The following NUCB2 variants were observed in gnomAD, a reference collection of about 807,000 sequenced individuals.
The protein encoded by NUCB2 is nucleobindin 2.
NUCB2 carries 48 observed loss-of-function variants against 57.9 expected under a neutral mutation model. The observed-to-expected ratio is 0.83, with a 90% confidence interval of 0.66 to 1.05. The LOEUF (loss-of-function observed/expected upper bound fraction) is 1.05. NUCB2 is among the 50% of genes least tolerant of loss of function. The probability of loss-of-function intolerance (pLI) is 0.00; values close to 1 mark genes in which losing one functional copy is unlikely to be tolerated. For missense variants in NUCB2, 442 were observed against 476.2 expected (o/e 0.93, Z 0.67); for synonymous variants, 139 against 152.1 (o/e 0.91, Z 0.64).
At chr11:17,300,626 A>G (rs1427403418) in intron 4 of NUCB2, among the ~76,000 whole-genome samples, 1 of 152,230 alleles carries the variant, frequency 6.6e-6, no homozygotes, top group Non-Finnish European at 1.5e-5. Flanking sequence ...ATGGCCAAAC[A>G]ATATGCCATT....
chr11:17,295,856 T>C (rs1008880591), intron 3 of NUCB2, among the ~76,000 whole-genome samples: 1 of 152,200 alleles, frequency 6.6e-6, no homozygotes, highest in African/African-American at 2.4e-5. Flanking sequence ...CTGAACTATA[T>C]AGAAAATCTA....
At chr11:17,315,733 G>A (rs1037864519) in intron 11 of NUCB2, among the ~76,000 whole-genome samples, 8 of 151,966 alleles carry the variant, frequency 5.3e-5, no homozygotes, top group South Asian at 2.1e-4. Context: ...AATAGGATTC[G>A]TTATTGAAAA....
At chr11:17,281,984 T>C (rs1226027122) in intron 1 of NUCB2, among the ~76,000 whole-genome samples, 1 of 151,830 alleles carries the variant, frequency 6.6e-6, no homozygotes, top group Non-Finnish European at 1.5e-5. Flanking sequence ...TTTCATCTTA[T>C]TACTGATCTC....
rs909577708 is a variant in NUCB2 at position 17,330,743 on chromosome 11, A to G, written c.1174-159A>G. Among the ~76,000 whole-genome samples, 9 of 152,370 alleles carry G rather than the reference A, an allele frequency of 5.9e-5. No homozygotes were observed. The highest frequency in any genetic ancestry group is 1.7e-4 in the African/African-American group (7 of 41,596). On this transcript the variant is annotated intron_variant, in intron 12 of 13. Transcript: ENST00000529010. This position sits in a 1 kb window ranked among gnomAD's most constrained non-coding sequence, Gnocchi z 4.3. ...CTGGGCCTCTGAAATTGTTGGGACT[A>G]TAGGCGTGAGCCACTGCACCTAGTC...
chr11:17,296,543 C>G (rs908746262), intron 4 of NUCB2, among the ~76,000 whole-genome samples: 1 of 152,096 alleles, frequency 6.6e-6, no homozygotes, highest in African/African-American at 2.4e-5. Flanking sequence ...TCTAGAAATA[C>G]AGAAGGCAGA....
Position 17,288,963 on chromosome 11 carries a change from A to ATATTTTTT in NUCB2, c.-1+6021_-1+6022insATTTTTTT, listed in dbSNP as rs753006566. Among the ~76,000 whole-genome samples, 3 of 68,096 alleles carry ATATTTTTT rather than the reference A, an allele frequency of 4.4e-5. 1 individual carries two copies. The highest frequency in any genetic ancestry group is 7.6e-5 in the Non-Finnish European group (3 of 39,456). 44.7% of individuals were successfully genotyped at this position (68,096 alleles called of 152,430 possible). A position where few individuals can be genotyped will look rare whatever the true frequency, so the allele number is the denominator to read the frequency against. On this transcript the variant is annotated intron_variant, in intron 2 of 13. Transcript: ENST00000529010. ...CACACACACACACATATATATATAT[A>ATATTTTTT]TTTTTTTTTTTTGAGATGGAGTTTT...
In NUCB2 at chr11:17,295,183, ATTC is replaced by A. The variant is rs1483389819; in HGVS notation, c.1-138_1-136del. On this transcript the variant is annotated intron_variant, in intron 2 of 13. Transcript: ENST00000529010. ...CATTATTTTTGACAAGTTTTAATCT[ATTC>A]TTTCCTTTCCTATAATTTTTTTTTT... 46 of 603,136 alleles carry A rather than the reference ATTC, an allele frequency of 7.6e-5. No homozygotes were observed. The East Asian group carries it at 1.4e-3, about 19-fold the overall frequency. 37.4% of individuals were successfully genotyped at this position (603,136 alleles called of 1,614,324 possible).
chr11:17,282,541 A>G lies in NUCB2; in HGVS notation c.-155-248A>G, dbSNP rs183213870. 2.3e-4 allele frequency among the ~76,000 whole-genome samples: 35 copies of G among 152,102 alleles called. No homozygotes were observed. The East Asian group carries it at 5.6e-3, about 24-fold the overall frequency. ...CTCCCAAAGTGCTGGGATTACAAGCAGGAGCCACCGTGCCCGGCCAACATC... is the reference window on the plus strand; with the variant it reads ...CTCCCAAAGTGCTGGGATTACAAGCGGGAGCCACCGTGCCCGGCCAACATC... On this transcript the variant is annotated intron_variant, in intron 1 of 13. Coordinates refer to ENST00000529010, the MANE Select transcript of NUCB2 (RefSeq NM_005013.4).
At chr11:17,339,912 C>T (rs1952115888) in intron 2 of NUCB2, among the ~76,000 whole-genome samples, 1 of 152,146 alleles carries the variant, frequency 6.6e-6, no homozygotes, top group African/African-American at 2.4e-5. Context: ...GTTCTAGATT[C>T]CTGAGGAATC....
At chr11:17,341,898 C>T (rs1036482036) in intron 2 of NUCB2, among the ~76,000 whole-genome samples, 4 of 152,108 alleles carry the variant, frequency 2.6e-5, no homozygotes, top group East Asian at 1.9e-4. Context: ...ATGGTACCAG[C>T]TCCTCCTTGT....
At chr11:17,288,004 C>CA (rs1159052367) in intron 2 of NUCB2, among the ~76,000 whole-genome samples, 1 of 151,880 alleles carries the variant, frequency 6.6e-6, no homozygotes, top group Non-Finnish European at 1.5e-5. Context: ...TCTCAAAAAA[C>CA]AAAAAACAAA....
At chr11:17,323,429 C>T (rs570671210) in intron 11 of NUCB2, among the ~76,000 whole-genome samples, 29 of 152,144 alleles carry the variant, frequency 1.9e-4, no homozygotes, top group African/African-American at 6.7e-4. Context: ...CCCAGTTGGC[C>T]GTGATGTATG....
At chr11:17,291,004 C>T (rs562873386) in intron 2 of NUCB2, among the ~76,000 whole-genome samples, 3 of 152,138 alleles carry the variant, frequency 2.0e-5, no homozygotes, top group African/African-American at 4.8e-5. Context: ...ACCATCTCAA[C>T]GATCTAATTT....
At chr11:17,344,646 C>T (rs1289986571) in intron 2 of NUCB2, among the ~76,000 whole-genome samples, 1 of 152,146 alleles carries the variant, frequency 6.6e-6, no homozygotes, top group Non-Finnish European at 1.5e-5. Context: ...CCTCACAATC[C>T]CAAGCTATTG....
intron 1 of NUCB2, among the ~76,000 whole-genome samples, chr11:17,282,261 T>A (rs1963780): frequency 1.1e-3 from 113 of 103,466 alleles, no homozygotes; most frequent in Middle Eastern, 4.5e-3. Flanking sequence ...TATATATATT[T>A]TTTTTTTTTT....
chr11:17,296,899 T>C (rs1212065564), intron 4 of NUCB2, among the ~76,000 whole-genome samples: 1 of 152,144 alleles, frequency 6.6e-6, no homozygotes, highest in Non-Finnish European at 1.5e-5. Context: ...CCTGGTGTTT[T>C]AATCAGGTCC....
chr11:17,300,301 T>C (rs891458782), intron 4 of NUCB2, among the ~76,000 whole-genome samples: 1 of 152,198 alleles, frequency 6.6e-6, no homozygotes, highest in African/African-American at 2.4e-5. Context: ...TGGGAGCCAC[T>C]GCACCCTGCC....
At chr11:17,337,307 CG>C (rs1951900511) in intron 1 of NUCB2, 1 of 152,122 alleles carries the variant, frequency 6.6e-6, no homozygotes, top group Admixed American at 6.6e-5. Flanking sequence ...TTGACAATCC[CG>C]GTTCTGGTTA....
chr11:17,328,224 C>T (rs2139406657), intron 11 of NUCB2, among the ~76,000 whole-genome samples: 1 of 152,310 alleles, frequency 6.6e-6, no homozygotes, highest in East Asian at 1.9e-4. Context: ...GTTCTTTTCC[C>T]TTACTTTCTT....
Sources: allele counts gnomAD v4.1 joint callset (sites outside exome capture counted in the v4.1 genomes callset), GRCh38; gene constraint gnomAD v4.1.1; non-coding constraint Gnocchi (gnomAD v3.1); transcripts MANE v1.5; gene names NCBI Gene and HGNC (gene_info 2026-07-23, HGNC 2026-07-21).